TEX14: variants seen among roughly 807,000 people sequenced by gnomAD.
TEX14 encodes the protein testis expressed 14, intercellular bridge forming factor.
A neutral mutation model predicts 178.6 loss-of-function variants in TEX14; 168 were observed. That is an observed-to-expected ratio of 0.94 (90% CI 0.83 to 1.07). The LOEUF is 1.07. TEX14 is among the 50% of genes least tolerant of loss of function. The pLI is 0.00. For synonymous variants in TEX14, 626 were observed against 634.1 expected, an observed-to-expected ratio of 0.99 and a Z score of 0.19; for missense variants, 1,730 against 1,753.6, an observed-to-expected ratio of 0.99 and a Z score of 0.24.
intron 11 of TEX14, among the ~76,000 whole-genome samples, chr17:58,602,870 G>A (rs907317062): frequency 3.3e-5 from 5 of 150,112 alleles, no homozygotes; most frequent in Non-Finnish European, 7.4e-5. Context: ...GATCGAGACC[G>A]TCCTGGCCAA....
chr17:58,642,011 A>C (rs1362194945), intron 2 of TEX14, among the ~76,000 whole-genome samples: 1 of 152,168 alleles, frequency 6.6e-6, no homozygotes, highest in African/African-American at 2.4e-5. Flanking sequence ...TCAGAAGTCT[A>C]GTCTCCAATC....
chr17:58,624,311 G>A (rs1234935044), intron 3 of TEX14, among the ~76,000 whole-genome samples: 3 of 149,902 alleles, frequency 2.0e-5, no homozygotes, highest in Admixed American at 1.3e-4. Flanking sequence ...AAACTCTTCT[G>A]TATCTACATA....
intron 3 of TEX14, among the ~76,000 whole-genome samples, chr17:58,624,217 C>T (rs1424672541): frequency 2.0e-5 from 3 of 151,942 alleles, no homozygotes; most frequent in African/African-American, 4.8e-5. Context: ...GCATAAAACC[C>T]GGGAGGCAGA....
At chr17:58,665,434 C>A (rs979265294) in intron 1 of TEX14, among the ~76,000 whole-genome samples, 1 of 151,708 alleles carries the variant, frequency 6.6e-6, no homozygotes, top group Non-Finnish European at 1.5e-5. Flanking sequence ...AACCCTGCCT[C>A]TACTAAAAAT....
At chr17:58,677,556 A>G (rs2047414538) in intron 1 of TEX14, 1 of 152,222 alleles carries the variant, frequency 6.6e-6, no homozygotes, top group African/African-American at 2.4e-5. Context: ...GCTACTTCCC[A>G]TTTGACAAAG....
chr17:58,617,175 T>C (rs981846205), intron 6 of TEX14, among the ~76,000 whole-genome samples: 6 of 151,888 alleles, frequency 4.0e-5, no homozygotes, highest in Admixed American at 3.9e-4. Flanking sequence ...TTGAACCCAG[T>C]AGGCAGAGGT....
At chr17:58,647,214 T>C (rs2046730006) in intron 2 of TEX14, among the ~76,000 whole-genome samples, 1 of 150,980 alleles carries the variant, frequency 6.6e-6, no homozygotes, top group Non-Finnish European at 1.5e-5. Flanking sequence ...ACGGCACAAT[T>C]AAAGTGACAG....
intron 19 of TEX14, chr17:58,581,748 A>G (rs766077368): frequency 1.4e-5 from 23 of 1,604,908 alleles, no homozygotes; most frequent in Non-Finnish European, 1.6e-5. Flanking sequence ...TAATGTAGGA[A>G]ATCACTTTTA....
chr17:58,648,786 C>CTTTTTTTTTTTT (rs34918333), intron 2 of TEX14, among the ~76,000 whole-genome samples: 10 of 89,726 alleles, frequency 1.1e-4, no homozygotes, highest in East Asian at 3.1e-4. Flanking sequence ...CTTTTTTTTT[C>CTTTTTTTTTTTT]TTTTTTTTTT....
chr17:58,612,811 T>C (rs1451586129), intron 9 of TEX14, among the ~76,000 whole-genome samples: 1 of 150,396 alleles, frequency 6.6e-6, no homozygotes, highest in Non-Finnish European at 1.5e-5. Context: ...TGGAGGCTGA[T>C]GCAGGATCAT....
At chr17:58,578,579 A>C (rs1230176652) in intron 20 of TEX14, among the ~76,000 whole-genome samples, 2 of 152,176 alleles carry the variant, frequency 1.3e-5, no homozygotes, top group Non-Finnish European at 2.9e-5. Flanking sequence ...ACTTTTTCAC[A>C]TACTTCATGT....
At chr17:58,562,082 C>T (rs1215554176) in intron 28 of TEX14, among the ~76,000 whole-genome samples, 1 of 151,780 alleles carries the variant, frequency 6.6e-6, no homozygotes, top group Non-Finnish European at 1.5e-5. Context: ...AAGACTCTGT[C>T]TCAAAAAAAA....
At chr17:58,686,026 A>G (rs993873467) in intron 1 of TEX14, among the ~76,000 whole-genome samples, 1 of 150,884 alleles carries the variant, frequency 6.6e-6, no homozygotes, top group Admixed American at 6.6e-5. Context: ...AGATCAAAAT[A>G]AGGAGTGACA....
rs377621577 is a variant in TEX14, at chr17:58,587,600, C to T, written c.2769G>A (p.Lys923=). The change falls in exon 17 of 32, where the codon AAG becomes AAA. Residue 923 remains lysine, a synonymous_variant. Transcript: ENST00000349033. ...NAESRNKDDG[K]VHLKWKMEVK... ...ACTCACTTTTCCATTTTAAGTGTAC[C>T]TTTCCATCATCTTTATTTCTGGACT... 2.8e-5 allele frequency: 45 copies of T among 1,597,662 alleles called. No individual in the cohort carries two copies. The highest frequency in any genetic ancestry group is 3.5e-5 in the Non-Finnish European group (41 of 1,170,222).
chr17:58,661,497 T>A (rs1219960516), intron 1 of TEX14: 1 of 781,074 alleles, frequency 1.3e-6, no homozygotes, highest in Admixed American at 1.7e-5. Flanking sequence ...CGGGAACCGG[T>A]GGGTTCAGTC....
intron 14 of TEX14, among the ~76,000 whole-genome samples, chr17:58,595,384 C>T (rs941296749): frequency 1.3e-5 from 2 of 152,156 alleles, no homozygotes; most frequent in African/African-American, 4.8e-5. Context: ...CATCAATTCC[C>T]TCCTGTCCAC....
intron 1 of TEX14, among the ~76,000 whole-genome samples, chr17:58,691,014 C>G (rs3760176): frequency 1.3e-5 from 2 of 152,024 alleles, no homozygotes; most frequent in Non-Finnish European, 2.9e-5. Flanking sequence ...CCACCATGCC[C>G]GGCTAATTTT....
chr17:58,685,281 C>T (rs1300922458), intron 1 of TEX14, among the ~76,000 whole-genome samples: 2 of 151,472 alleles, frequency 1.3e-5, no homozygotes, highest in Non-Finnish European at 2.9e-5. Context: ...TAAAAAAATA[C>T]AAAAATTAGC....
intron 15 of TEX14, among the ~76,000 whole-genome samples, chr17:58,593,067 C>T (rs573964937): frequency 3.6e-4 from 54 of 151,822 alleles, no homozygotes; most frequent in Non-Finnish European, 5.9e-4. Context: ...TATATACAAA[C>T]ACACACACAC....
Sources: gnomAD v4.1 joint callset for allele counts (sites outside exome capture counted in the v4.1 genomes callset) on GRCh38, gnomAD v4.1.1 for gene constraint, MANE v1.5 for transcripts, NCBI Gene and HGNC (gene_info 2026-07-23, HGNC 2026-07-21) for gene names.